The following CNTN6 variants were observed in gnomAD, a reference collection of about 807,000 sequenced individuals.
CNTN6 encodes contactin-6.
CNTN6 carries 137 observed loss-of-function variants against 122.8 expected under a neutral mutation model. That is an observed-to-expected ratio of 1.12 (90% confidence interval 0.97 to 1.29). The LOEUF is 1.29. Ranked by LOEUF, CNTN6 falls within the 50% of genes most tolerant of loss-of-function variation. The pLI is 0.00. For synonymous variants in CNTN6, 570 were observed against 426.0 expected, an observed-to-expected ratio of 1.34 and a Z score of -4.16; for missense variants, 1,634 against 1,223.4, an observed-to-expected ratio of 1.34 and a Z score of -5.01.
At chr3:1,375,713 A>G (rs1354662165) in intron 16 of CNTN6, among the ~76,000 whole-genome samples, 1 of 152,086 alleles carries the variant, frequency 6.6e-6, no homozygotes, top group Non-Finnish European at 1.5e-5. Context: ...GAAGTCTTAG[A>G]AAATAAGGTT....
intron 5 of CNTN6, among the ~76,000 whole-genome samples, chr3:1,295,325 C>G (rs1296739203): frequency 6.6e-6 from 1 of 152,106 alleles, no homozygotes; most frequent in East Asian, 1.9e-4. Context: ...TCTTAATAAA[C>G]TCATCCACTT....
intron 4 of CNTN6, among the ~76,000 whole-genome samples, chr3:1,233,427 TGAA>T (rs10603979): frequency 0.35 from 53,385 of 151,718 alleles, 10,653 homozygotes; most frequent in East Asian, 0.87. Flanking sequence ...TTAAGGATGT[TGAA>T]GTTGTTTATA....
chr3:1,326,564 T>C (rs1371446109), intron 9 of CNTN6, among the ~76,000 whole-genome samples: 1 of 151,864 alleles, frequency 6.6e-6, no homozygotes, highest in Non-Finnish European at 1.5e-5. Context: ...CTAAGGCAGT[T>C]ATCCACATTT....
intron 14 of CNTN6, 61 bp downstream of exon 14, chr3:1,373,016 T>G: frequency 2.1e-6 from 2 of 954,338 alleles, no homozygotes; most frequent in Non-Finnish European, 3.2e-6. Context: ...TGTTCATATC[T>G]AAATTGTAGA....
At chr3:1,269,439 A>C (rs1035911837) in intron 4 of CNTN6, among the ~76,000 whole-genome samples, 9 of 152,168 alleles carry the variant, frequency 5.9e-5, no homozygotes, top group African/African-American at 2.2e-4. Context: ...TGGCATCTCA[A>C]TGTATCCTAT....
intron 17 of CNTN6, among the ~76,000 whole-genome samples, chr3:1,382,426 C>CT (rs756882592): frequency 7.2e-5 from 11 of 151,974 alleles, no homozygotes; most frequent in Non-Finnish European, 1.5e-4. Context: ...AGATGTATGC[C>CT]TAAAAAAATG....
chr3:1,390,180 T>G (rs1042963545), intron 20 of CNTN6, among the ~76,000 whole-genome samples: 2 of 151,708 alleles, frequency 1.3e-5, no homozygotes, highest in African/African-American at 4.9e-5. Flanking sequence ...CCTCAGCAAA[T>G]GTAAAAGGAC....
At chr3:1,241,968 C>G (rs1465633419) in intron 4 of CNTN6, among the ~76,000 whole-genome samples, 1 of 152,204 alleles carries the variant, frequency 6.6e-6, no homozygotes, top group Non-Finnish European at 1.5e-5. Flanking sequence ...GTGGTCCTGG[C>G]TCTTGTGTAA....
At chr3:1,230,891 A>G (rs556806062) in intron 4 of CNTN6, among the ~76,000 whole-genome samples, 11 of 152,284 alleles carry the variant, frequency 7.2e-5, no homozygotes, top group African/African-American at 2.4e-4. Context: ...TATCTTCAGG[A>G]CAGAATGGGT....
intron 1 of CNTN6, among the ~76,000 whole-genome samples, chr3:1,105,519 T>C (rs1383206959): frequency 6.6e-6 from 1 of 152,164 alleles, no homozygotes; most frequent in Non-Finnish European, 1.5e-5. Context: ...TGAACCTCAG[T>C]TTTCAAATGT....
At chr3:1,282,204 G>A (rs1247157000) in intron 5 of CNTN6, among the ~76,000 whole-genome samples, 1 of 152,136 alleles carries the variant, frequency 6.6e-6, no homozygotes, top group Non-Finnish European at 1.5e-5. Context: ...TTATAGAGCT[G>A]TCCTTTCTTC....
At chr3:1,163,826 A>G (rs1446734089) in intron 2 of CNTN6, among the ~76,000 whole-genome samples, 8 of 152,226 alleles carry the variant, frequency 5.3e-5, no homozygotes, top group African/African-American at 1.9e-4. Flanking sequence ...CCTGAAACAC[A>G]TGATTAGCAG....
chr3:1,124,644 C>T (rs1311224243), intron 1 of CNTN6, among the ~76,000 whole-genome samples: 4 of 151,728 alleles, frequency 2.6e-5, no homozygotes, highest in Admixed American at 2.0e-4. Context: ...TGCTAAAGAA[C>T]TTATACATGT....
chr3:1,240,362 G>A (rs2094467047), intron 4 of CNTN6, among the ~76,000 whole-genome samples: 1 of 152,088 alleles, frequency 6.6e-6, no homozygotes, highest in African/African-American at 2.4e-5. Context: ...GTGGGCTAAG[G>A]ACATGAATAG....
At chr3:1,394,891 G>C (rs753314708) in intron 20 of CNTN6, among the ~76,000 whole-genome samples, 36 of 152,252 alleles carry the variant, frequency 2.4e-4, no homozygotes, top group Non-Finnish European at 4.3e-4. Context: ...TTAACCATGA[G>C]TAATTTCACC....
chr3:1,297,463 C>T (rs1187461059), intron 6 of CNTN6, among the ~76,000 whole-genome samples: 3 of 152,044 alleles, frequency 2.0e-5, no homozygotes, highest in Non-Finnish European at 4.4e-5. Context: ...AGGTATACAG[C>T]AAACTTAGCG....
chr3:1,391,886 C>T (rs1380688917), intron 20 of CNTN6, among the ~76,000 whole-genome samples: 2 of 152,138 alleles, frequency 1.3e-5, no homozygotes, highest in Non-Finnish European at 2.9e-5. Context: ...CTGCAAACCA[C>T]TGCTCAATGA....
chr3:1,389,686 C>A (rs1693796580), intron 20 of CNTN6, among the ~76,000 whole-genome samples: 1 of 151,852 alleles, frequency 6.6e-6, no homozygotes, highest in Non-Finnish European at 1.5e-5. Flanking sequence ...CGTGCAGAGA[C>A]ACACATAGGC....
intron 4 of CNTN6, among the ~76,000 whole-genome samples, chr3:1,262,687 C>A (rs961474644): frequency 6.6e-6 from 1 of 152,094 alleles, no homozygotes; most frequent in African/African-American, 2.4e-5. Flanking sequence ...GACTATAGGT[C>A]ATACTTTTTG....
Sources: gnomAD v4.1 joint callset for allele counts (sites outside exome capture counted in the v4.1 genomes callset) on GRCh38, gnomAD v4.1.1 for gene constraint, MANE v1.5 for transcripts, NCBI Gene and HGNC (gene_info 2026-07-23, HGNC 2026-07-21) for gene names.